ZNF276: variants seen among roughly 807,000 people sequenced by gnomAD.
ZNF276 encodes the protein zinc finger protein 276.
ZNF276 carries 59 observed loss-of-function variants against 63.9 expected under a neutral mutation model. The ratio of observed to expected loss-of-function variants is 0.92; its 90% CI spans 0.75 to 1.15. The LOEUF is 1.15. ZNF276 is among the 50% of genes most tolerant of loss of function. The pLI, the probability that ZNF276 is intolerant of heterozygous loss-of-function variation, is 0.00. For missense variants in ZNF276, 1,084 were observed against 843.8 expected (o/e 1.28, Z -3.53); for synonymous variants, 496 against 348.4 (o/e 1.42, Z -4.72).
upstream of ZNF276, chr16:89,721,507 T>A: frequency 1.1e-5 from 7 of 664,466 alleles, no homozygotes; most frequent in Non-Finnish European, 1.1e-5. Context: ...CCCGCCCGCC[T>A]CGCTTTGCTT....
rs564607886 is a variant in ZNF276 at position 89,721,561 on chromosome 16, G to C, written c.-80G>C. The C allele has an allele frequency of 3.0e-6, 4 of 1,350,034 alleles. No homozygotes were observed. The highest frequency in any genetic ancestry group is 3.0e-5 in the Admixed American group (1 of 33,532). The allele number at this position is 1,350,034 out of a possible 1,614,324, so 83.6% of individuals were successfully genotyped here. A position where few individuals can be genotyped will look rare whatever the true frequency, so the allele number is the denominator to read the frequency against. On this transcript the variant is annotated 5_prime_UTR_variant, in exon 1 of 11. Coordinates refer to ENST00000443381, the MANE Select transcript of ZNF276 (RefSeq NM_001113525.2). Reference sequence around the variant, plus strand: ...CGCCCCGCCTCGCTTCCAGCGCGCCGAGCGGAGCCTAACGCCGGGTCCTCT... The same window carrying C: ...CGCCCCGCCTCGCTTCCAGCGCGCCCAGCGGAGCCTAACGCCGGGTCCTCT...
At position 89,722,780 on chromosome 16, in the gene ZNF276, C is replaced by A. The variant is rs763468117; in HGVS notation, c.455C>A (p.Ser152Tyr). ...QFYQCHSLLKSFLQRVNASPA... is the reference protein window; with the variant it reads ...QFYQCHSLLKYFLQRVNASPA... ...TACCAGTGCCACAGCCTTCTCAAGT[C>A]CTTCCTGCAGAGGGTCAACGCCTCC... The change falls in exon 2 of 11, where the codon TCC becomes TAC. Residue 152 changes from serine (S) to tyrosine (Y), a missense_variant. Physicochemically the swap from Ser to Tyr is moderately radical, Grantham distance 144 (BLOSUM62 -2). Coordinates refer to ENST00000443381, the MANE Select transcript of ZNF276 (RefSeq NM_001113525.2). The A allele has an allele frequency of 6.2e-7, 1 of 1,609,246 alleles. No individual in the cohort carries two copies. Among genetic ancestry groups the A allele is most frequent in the Non-Finnish European group, 8.5e-7 (1 of 1,179,998 alleles).
chr16:89,733,377 C>G lies in ZNF276; in HGVS notation c.1245C>G (p.Pro415=), dbSNP rs776227066. ...CAAGAATTCGGAAGAAGCCGGGACC[C>G]AAGCCCGGATGGAAGAAGAAGCTTC... ...EEPRIRKKPG[P]KPGWKKKLRC... is the part of the protein sequence containing the mutation. The change falls in exon 7 of 11, where the codon CCC becomes CCG. Residue 415 remains proline, a synonymous_variant. Transcript: ENST00000443381. The G allele has an allele frequency of 5.0e-6, 8 of 1,614,168 alleles. No individual in the cohort carries two copies. The South Asian group carries it at 6.6e-5, about 13-fold the overall frequency.
At position 89,721,708 on chromosome 16, in the gene ZNF276, G is replaced by A; in HGVS notation, c.68G>A (p.Gly23Asp). The change falls in exon 1 of 11, where the codon GGC becomes GAC. Residue 23 changes from glycine (G) to aspartate (D), a missense_variant. Gly to Asp is a moderately conservative substitution (Grantham distance 94, BLOSUM62 -1). Transcript: ENST00000443381. ...TCCCGACAGTGCGGGGCCTCGGACG[G>A]CGGCGGCGGCGTCAGCCGGACTCGG... Reference protein sequence around the residue: ...GSSRQCGASDGGGGVSRTRGR... With the variant: ...GSSRQCGASDDGGGVSRTRGR... 1 of 1,366,364 alleles carries A rather than the reference G, an allele frequency of 7.3e-7. No individual in the cohort carries two copies. Among genetic ancestry groups the A allele is most frequent in the Non-Finnish European group, 9.4e-7 (1 of 1,060,512 alleles). The allele number at this position is 1,366,364 out of a possible 1,614,324, so 84.6% of individuals were successfully genotyped here.
chr16:89,723,329 G>C lies in ZNF276; in HGVS notation c.626G>C (p.Ser209Thr). 6.2e-7 allele frequency: 1 copy of C among 1,613,036 alleles called. No homozygotes were observed. The highest frequency in any genetic ancestry group is 1.6e-4 in the Middle Eastern group (1 of 6,062). The change falls in exon 4 of 11, where the codon AGC becomes ACC. Residue 209 changes from serine (S) to threonine (T), a missense_variant. Coordinates refer to ENST00000443381, the MANE Select transcript of ZNF276 (RefSeq NM_001113525.2). The stretch of plus-strand genomic sequence containing the variant: ...GGGTGGGTGCATGGACATGCGGCCA[G>C]CTGCGGGGCCCTGCCCCACCTTCAG... ...LVGWVHGHAA[S>T]CGALPHLQRT...
In ZNF276 at chr16:89,738,142, C is replaced by T; in HGVS notation, c.1741C>T (p.Gln581Ter). The T allele has an allele frequency of 6.2e-7, 1 of 1,613,700 alleles. No individual in the cohort carries two copies. The highest frequency in any genetic ancestry group is 8.5e-7 in the Non-Finnish European group (1 of 1,180,014). The stretch of plus-strand genomic sequence containing the variant: ...CATGTCCATGGTGCACCCGCTGACA[C>T]AGACCCAGGACAAGGCCCTGCCCCT... ...VHMSMVHPLT[Q>*]TQDKALPLEA... The change falls in exon 11 of 11, where the codon CAG (glutamine) becomes TAG (stop). Residue 581 changes from glutamine to a stop codon, truncating the protein, a stop_gained. Transcript: ENST00000443381. LOFTEE classifies it low-confidence loss of function (END_TRUNC).
At chr16:89,733,069 T>TCACCCCTGACCCTGCTGTGTC in intron 6 of ZNF276, 1 of 547,856 alleles carries the variant, frequency 1.8e-6, no homozygotes, top group Non-Finnish European at 3.3e-6. Flanking sequence ...TCTGCTGTGT[T>TCACCCCTGACCCTGCTGTGTC]CACCCCTGAC....
chr16:89,727,150 T>C, intron 4 of ZNF276, 129 bp from the exon 5 acceptor site: 1 of 959,900 alleles, frequency 1.0e-6, no homozygotes, highest in Middle Eastern at 2.7e-4. Context: ...GGGGCCATGG[T>C]GGGGAGAACT....
intron 4 of ZNF276, among the ~76,000 whole-genome samples, chr16:89,726,942 C>T (rs569369364): frequency 9.3e-4 from 142 of 152,326 alleles, no homozygotes; most frequent in Non-Finnish European, 1.6e-3. Context: ...CCGTGCCTGG[C>T]CTAGTAATTT....
At chr16:89,721,129 C>A (rs1383093249), upstream of ZNF276, 5 of 292,670 alleles carry the variant, frequency 1.7e-5, no homozygotes, top group Non-Finnish European at 3.1e-5. Context: ...GGGCCCCTCA[C>A]GGAGTTGCCA....
rs759343346 is a variant in ZNF276 at position 89,738,647 on chromosome 16, T to G, written c.*401T>G. The G allele has an allele frequency of 3.1e-6, 5 of 1,612,992 alleles. No individual in the cohort carries two copies. The African/African-American group carries it at 5.3e-5, about 17-fold the overall frequency. On this transcript the variant is annotated 3_prime_UTR_variant, in exon 11 of 11. Coordinates refer to ENST00000443381, the MANE Select transcript of ZNF276 (RefSeq NM_001113525.2). ...GGACAGGTCAGCGTCAGGGGCAGCCTGCTGTCTGCTCTGGAGGGCGGCGCT... is the reference window on the plus strand; with the variant it reads ...GGACAGGTCAGCGTCAGGGGCAGCCGGCTGTCTGCTCTGGAGGGCGGCGCT...
At position 89,722,637 on chromosome 16, in the gene ZNF276, G is replaced by A; in HGVS notation, c.312G>A (p.Glu104=). The change falls in exon 2 of 11, where the codon GAG becomes GAA. Residue 104 remains glutamate (E), a synonymous_variant. Transcript: ENST00000443381. The part of the protein sequence containing the change: ...ISERAPGASM[E]RPSAEERVLV... ...AGAGGGCGCCTGGAGCGAGCATGGAGAGGCCATCCGCAGAGGAGCGCGTGC... is the reference window on the plus strand; with the variant it reads ...AGAGGGCGCCTGGAGCGAGCATGGAAAGGCCATCCGCAGAGGAGCGCGTGC... The A allele has an allele frequency of 6.2e-7, 1 of 1,612,056 alleles. No homozygotes were observed. The highest frequency in any genetic ancestry group is 8.5e-7 in the Non-Finnish European group (1 of 1,180,024).
Position 89,722,574 on chromosome 16 carries a change from C to T in ZNF276, c.249C>T (p.His83=). ...ALAMGHCRLC[H]GKFSSRSLRS... is the part of the protein sequence containing the mutation. ...CCATGGGTCACTGTCGCCTCTGCCA[C>T]GGGAAGTTTTCCTCGAGAAGCCTGC... is the stretch of plus-strand genomic sequence containing the variant. Residue 83 remains histidine, a synonymous_variant, in exon 2 of 11, where the codon CAC becomes CAT. Coordinates refer to ENST00000443381, the MANE Select transcript of ZNF276 (RefSeq NM_001113525.2). 1.2e-6 allele frequency: 2 copies of T among 1,612,408 alleles called. No individual in the cohort carries two copies. Among genetic ancestry groups the T allele is most frequent in the Non-Finnish European group, 1.7e-6 (2 of 1,179,974 alleles).
upstream of ZNF276, chr16:89,721,000 G>A (rs1330483689): frequency 5.9e-6 from 5 of 845,240 alleles, no homozygotes; most frequent in Non-Finnish European, 7.8e-6. Flanking sequence ...TCCGGCGACG[G>A]GCCCCCTCCG....
chr16:89,723,608 T>G lies in ZNF276; in HGVS notation c.905T>G (p.Leu302Arg). Residue 302 changes from leucine (L) to arginine (R), a missense_variant, in exon 4 of 11, where the codon CTG becomes CGG. Transcript: ENST00000443381. The part of the protein sequence containing the change: ...GTPVGAETKT[L>R]PSTDVAQPPS... ...CCAGTTGGGGCTGAGACCAAGACCC[T>G]GCCCAGCACGGATGTGGCCCAGCCT... The G allele has an allele frequency of 6.2e-7, 1 of 1,612,768 alleles. No individual in the cohort carries two copies. The highest frequency in any genetic ancestry group is 8.5e-7 in the Non-Finnish European group (1 of 1,180,000).
At chr16:89,720,541 C>A, upstream of ZNF276, 1 of 1,169,836 alleles carries the variant, frequency 8.5e-7, no homozygotes, top group Non-Finnish European at 1.1e-6. Flanking sequence ...GCTCAGCGAG[C>A]GGAGTGGAAA....
intron 9 of ZNF276, among the ~76,000 whole-genome samples, chr16:89,736,315 C>A (rs2151701237): frequency 6.6e-6 from 1 of 150,498 alleles, no homozygotes; most frequent in Non-Finnish European, 1.5e-5. Context: ...GCATGAGCCA[C>A]CGTGCCCAGC....
intron 9 of ZNF276, among the ~76,000 whole-genome samples, chr16:89,736,502 T>A (rs1426441219): frequency 6.6e-6 from 1 of 151,904 alleles, no homozygotes; most frequent in Non-Finnish European, 1.5e-5. Context: ...TTTTTGTATT[T>A]TTAGTAGAGA....
At chr16:89,734,432 T>G (rs1202738015) in intron 9 of ZNF276, among the ~76,000 whole-genome samples, 5 of 152,072 alleles carry the variant, frequency 3.3e-5, no homozygotes, top group African/African-American at 1.2e-4. Context: ...TTCAATCAAT[T>G]CTCCCGCCTC....
Sources: gnomAD v4.1 joint callset for allele counts (sites outside exome capture counted in the v4.1 genomes callset) on GRCh38, gnomAD v4.1.1 for gene constraint, MANE v1.5 for transcripts, NCBI Gene and HGNC (gene_info 2026-07-23, HGNC 2026-07-21) for gene names.